Variants in AGBL1 observed in about 807,000 individuals in gnomAD.
The protein encoded by AGBL1 is AGBL carboxypeptidase 1.
In AGBL1, 130 loss-of-function variants were observed where a neutral mutation model predicts 118.9. The ratio of observed to expected loss-of-function variants is 1.09; its 90% confidence interval spans 0.95 to 1.26. AGBL1 has a LOEUF of 1.26. Ranked by LOEUF, AGBL1 falls within the 50% of genes most tolerant of loss-of-function variation. The pLI is 0.00. For missense variants in AGBL1, 1,584 were observed against 1,298.1 expected, an observed-to-expected ratio of 1.22 and a Z score of -3.38; for synonymous variants, 555 against 478.9, an observed-to-expected ratio of 1.16 and a Z score of -2.08.
Position 86,586,422 on chromosome 15 carries a change from A to G in AGBL1, c.2994+31885A>G, listed in dbSNP as rs564771242. ...TACTATCAATGTAAACCTATGAGGT[A>G]GTTGCTATTTTTATCATATACCTTT... On this transcript the variant is annotated intron_variant, in intron 21 of 22. Coordinates refer to ENST00000614907, the MANE Select transcript of AGBL1 (RefSeq NM_001386094.1). Among the ~76,000 whole-genome samples the G allele has an allele frequency of 8.3e-4, 126 of 152,304 alleles. 1 individual carries two copies. The highest frequency in any genetic ancestry group is 2.7e-3 in the African/African-American group (114 of 41,584).
intron 22 of AGBL1, among the ~76,000 whole-genome samples, chr15:86,820,939 A>C (rs892747124): frequency 1.3e-5 from 2 of 152,210 alleles, no homozygotes; most frequent in Non-Finnish European, 2.9e-5. Context: ...CAAAATGCCC[A>C]TTAATGATAG....
chr15:86,343,225 G>T (rs771646242), intron 17 of AGBL1, among the ~76,000 whole-genome samples: 2 of 152,146 alleles, frequency 1.3e-5, no homozygotes, highest in African/African-American at 2.4e-5. Flanking sequence ...ATTGGGTTTG[G>T]CCAATGGAAG....
At chr15:86,882,066 A>G (rs1199211886) in intron 22 of AGBL1, among the ~76,000 whole-genome samples, 1 of 152,222 alleles carries the variant, frequency 6.6e-6, no homozygotes, top group African/African-American at 2.4e-5. Context: ...TACTTGCATT[A>G]AATGGGAAAC....
intron 21 of AGBL1, among the ~76,000 whole-genome samples, chr15:86,570,514 A>T (rs1307048263): frequency 6.6e-6 from 1 of 152,208 alleles, no homozygotes; most frequent in African/African-American, 2.4e-5. Context: ...AATTTCTCAG[A>T]ATTATGATGC....
chr15:86,919,464 A>G (rs1393640886), downstream of AGBL1, among the ~76,000 whole-genome samples: 1 of 152,036 alleles, frequency 6.6e-6, no homozygotes, highest in Non-Finnish European at 1.5e-5. Flanking sequence ...GAAACACATG[A>G]CATTAATTAA....
At chr15:86,904,116 C>T (rs1022751407) in intron 22 of AGBL1, among the ~76,000 whole-genome samples, 1 of 152,190 alleles carries the variant, frequency 6.6e-6, no homozygotes, top group Non-Finnish European at 1.5e-5. Context: ...AAGCTGCCCC[C>T]TTCCTCATCG....
chr15:86,723,437 T>C (rs994066318), intron 22 of AGBL1, among the ~76,000 whole-genome samples: 1 of 152,194 alleles, frequency 6.6e-6, no homozygotes, highest in Non-Finnish European at 1.5e-5. Flanking sequence ...TTCTCACTCC[T>C]AGGTGGGAAT....
chr15:86,454,110 C>T (rs181873769), intron 18 of AGBL1, among the ~76,000 whole-genome samples: 5 of 152,254 alleles, frequency 3.3e-5, no homozygotes, highest in African/African-American at 7.2e-5. Context: ...GTCTTTTTCT[C>T]GCTCTCTTCA....
chr15:86,470,112 C>T (rs1159449507), intron 18 of AGBL1, among the ~76,000 whole-genome samples: 3 of 152,030 alleles, frequency 2.0e-5, no homozygotes, highest in Non-Finnish European at 4.4e-5. Context: ...CTTTTATTGC[C>T]TGTGCTTTAG....
intron 22 of AGBL1, among the ~76,000 whole-genome samples, chr15:86,781,026 A>G (rs2078328614): frequency 6.6e-6 from 1 of 152,102 alleles, no homozygotes. Context: ...ATTTTTATTA[A>G]TTTAATTTAT....
chr15:86,810,225 C>T (rs2078769543), intron 22 of AGBL1, among the ~76,000 whole-genome samples: 1 of 152,132 alleles, frequency 6.6e-6, no homozygotes, highest in South Asian at 2.1e-4. Context: ...GACAAGAACA[C>T]AGTCCCTGGA....
At chr15:86,843,466 G>A (rs552815977) in intron 22 of AGBL1, among the ~76,000 whole-genome samples, 30 of 152,228 alleles carry the variant, frequency 2.0e-4, no homozygotes, top group African/African-American at 6.0e-4. Flanking sequence ...TTGGGGTAAG[G>A]CTATTTAATG....
At chr15:87,016,381 G>A (rs2081608299) in intron 24 of AGBL1, among the ~76,000 whole-genome samples, 1 of 152,176 alleles carries the variant, frequency 6.6e-6, no homozygotes, top group Non-Finnish European at 1.5e-5. Flanking sequence ...CTCAGACAAA[G>A]GGACATTTGA....
At chr15:86,956,234 TAG>T (rs1279008303) in intron 23 of AGBL1, among the ~76,000 whole-genome samples, 1 of 151,558 alleles carries the variant, frequency 6.6e-6, no homozygotes, top group Non-Finnish European at 1.5e-5. Flanking sequence ...GATAGATAGA[TAG>T]ATAGATAGAT....
At chr15:86,832,014 G>A (rs1325776783) in intron 22 of AGBL1, among the ~76,000 whole-genome samples, 1 of 152,226 alleles carries the variant, frequency 6.6e-6, no homozygotes, top group African/African-American at 2.4e-5. Context: ...CCACATGTAA[G>A]CTGCCAAGGC....
At chr15:86,438,383 C>G (rs140194345) in intron 18 of AGBL1, among the ~76,000 whole-genome samples, 304 of 152,304 alleles carry the variant, frequency 2.0e-3, no homozygotes, top group African/African-American at 6.6e-3. Flanking sequence ...TTGGAATACT[C>G]TCTTTCTCAG....
At chr15:86,803,096 T>C (rs927914535) in intron 22 of AGBL1, among the ~76,000 whole-genome samples, 1 of 152,144 alleles carries the variant, frequency 6.6e-6, no homozygotes, top group Admixed American at 6.6e-5. Flanking sequence ...GTGAAGAATT[T>C]AGATTTGTTT....
chr15:86,898,637 T>G (rs190724660), intron 22 of AGBL1, among the ~76,000 whole-genome samples: 379 of 152,270 alleles, frequency 2.5e-3, no homozygotes, highest in Non-Finnish European at 4.8e-3. Flanking sequence ...AGAAAATATT[T>G]GCAAACTATA....
chr15:86,362,805 T>C (rs2080825925), intron 17 of AGBL1, among the ~76,000 whole-genome samples: 1 of 152,198 alleles, frequency 6.6e-6, no homozygotes, highest in Middle Eastern at 3.2e-3. Context: ...TCAGGTGGAT[T>C]GCTACCAAGA....
Sources: allele counts gnomAD v4.1 joint callset (sites outside exome capture counted in the v4.1 genomes callset), GRCh38; gene constraint gnomAD v4.1.1; transcripts MANE v1.5; gene names NCBI Gene and HGNC (gene_info 2026-07-23, HGNC 2026-07-21).